Variants in ZNF518A observed in about 807,000 individuals in gnomAD.
ZNF518A encodes zinc finger protein 518A.
ZNF518A carries 47 observed loss-of-function variants against 102.7 expected under a neutral mutation model. The ratio of observed to expected loss-of-function variants is 0.46; its 90% CI spans 0.36 to 0.58. The LOEUF is 0.58. Among genes scored for constraint, ZNF518A ranks in the 20% least tolerant of loss-of-function variants. The probability of loss-of-function intolerance (pLI) is 0.00; values close to 1 mark genes in which losing one functional copy is unlikely to be tolerated. For synonymous variants in ZNF518A, 652 were observed against 594.6 expected (o/e 1.10, Z -1.40); for missense variants, 1,793 against 1,699.8 (o/e 1.05, Z -0.96).
downstream of ZNF518A, chr10:96,204,407 AAAACAATGAAATG>A: frequency 7.8e-6 from 9 of 1,152,852 alleles, no homozygotes; most frequent in Non-Finnish European, 1.0e-5. Context: ...ACGTAACTGC[AAAACAATGAAATG>A]TTGGATTTTT....
chr10:96,152,790 T>C lies in ZNF518A; in HGVS notation c.-301-2536T>C, dbSNP rs139701257. Among the ~76,000 whole-genome samples, 4 of 152,352 alleles carry C rather than the reference T, an allele frequency of 2.6e-5. No homozygotes were observed. In the East Asian group the frequency reaches 7.7e-4, roughly 29 times the overall value. ...TGATGAGTATTTGTGTATCTAAATG[T>C]AGAAAAGATGCAGCAAAATTACAGT... On this transcript the variant is annotated intron_variant, in intron 3 of 5. Transcript: ENST00000316045.
At chr10:96,202,359 G>C (rs2133956089) in intron 1 of ZNF518A, among the ~76,000 whole-genome samples, 1 of 152,308 alleles carries the variant, frequency 6.6e-6, no homozygotes, top group South Asian at 2.1e-4. Flanking sequence ...GGAGATGACA[G>C]TGACTTGGAC....
intron 3 of ZNF518A, 75 bp from the exon 4 acceptor site, chr10:96,155,251 A>G (rs2082646069): frequency 6.6e-6 from 1 of 152,146 alleles, no homozygotes; most frequent in South Asian, 2.1e-4. Flanking sequence ...TTTTACATAT[A>G]TTTTCTCATT....
At chr10:96,164,931 A>G (rs781864785), downstream of ZNF518A, among the ~76,000 whole-genome samples, 1 of 152,254 alleles carries the variant, frequency 6.6e-6, no homozygotes, top group Non-Finnish European at 1.5e-5. Context: ...GCCTGCGATC[A>G]TCAATTACAT....
chr10:96,198,953 C>A (rs2083551284), intron 1 of ZNF518A, among the ~76,000 whole-genome samples: 1 of 152,170 alleles, frequency 6.6e-6, no homozygotes, highest in Non-Finnish European at 1.5e-5. Context: ...CTCACCTCGG[C>A]CCCCCAAAGT....
At chr10:96,181,442 T>A (rs1467742991) in intron 1 of ZNF518A, among the ~76,000 whole-genome samples, 3 of 152,212 alleles carry the variant, frequency 2.0e-5, no homozygotes, top group African/African-American at 4.8e-5. Context: ...CTGAATGGTA[T>A]TGCCTAGGTT....
intron 1 of ZNF518A, among the ~76,000 whole-genome samples, chr10:96,171,770 T>A (rs1114750): frequency 0.11 from 16,727 of 152,070 alleles, 1,893 homozygotes; most frequent in African/African-American, 0.29. Flanking sequence ...AAATAATGAC[T>A]AGAAACTTCC....
chr10:96,184,893 G>A (rs952556419), intron 1 of ZNF518A, among the ~76,000 whole-genome samples: 3 of 152,220 alleles, frequency 2.0e-5, no homozygotes, highest in Non-Finnish European at 4.4e-5. Context: ...ATCCTGAAGA[G>A]TGTCTTCCAG....
chr10:96,199,768 C>A (rs918657674), intron 1 of ZNF518A, among the ~76,000 whole-genome samples: 8 of 152,160 alleles, frequency 5.3e-5, no homozygotes, highest in African/African-American at 7.2e-5. Flanking sequence ...GTCTGTAATC[C>A]CAGCACTTTG....
downstream of ZNF518A, chr10:96,204,446 T>G: frequency 1.5e-6 from 2 of 1,377,554 alleles, no homozygotes; most frequent in Non-Finnish European, 2.1e-6. Flanking sequence ...GCACTGCAAG[T>G]CAGTGTCACT....
chr10:96,169,589 G>T (rs1251568346), intron 1 of ZNF518A, among the ~76,000 whole-genome samples: 5 of 152,210 alleles, frequency 3.3e-5, no homozygotes, highest in Admixed American at 1.3e-4. Flanking sequence ...CTTTAAACAT[G>T]GTTTCTTTTA....
At chr10:96,150,558 A>AG (rs2082387671) in intron 3 of ZNF518A, among the ~76,000 whole-genome samples, 1 of 150,252 alleles carries the variant, frequency 6.7e-6, no homozygotes, top group Non-Finnish European at 1.5e-5. Flanking sequence ...AAAAAAAAAA[A>AG]CTTAGGTACA....
intron 1 of ZNF518A, among the ~76,000 whole-genome samples, chr10:96,201,677 C>A (rs587771094): frequency 1.3e-5 from 2 of 152,160 alleles, no homozygotes; most frequent in East Asian, 3.9e-4. Context: ...CAGGCATCAA[C>A]TCCCTCAAAG....
At position 96,159,618 on chromosome 10, in the gene ZNF518A, C is replaced by T. The variant is rs368591323; in HGVS notation, c.3296C>T (p.Pro1099Leu). ...AAACCACCTCTTTATACCTTCTTGCCTGATGGCAAACAAGCTGTTTTTTTA... is the reference window on the plus strand; with the variant it reads ...AAACCACCTCTTTATACCTTCTTGCTTGATGGCAAACAAGCTGTTTTTTTA... The part of the protein sequence containing the change: ...FPKPPLYTFL[P>L]DGKQAVFLKC... The change falls in exon 6 of 6, where the codon CCT becomes CTT. Residue 1099 changes from proline (P) to leucine (L), a missense_variant. This residue lies in a region of ZNF518A where 1,741 missense variants were observed against 1,622.6 expected (regional missense o/e 1.07). Transcript: ENST00000316045. 1 of 1,613,662 alleles carries T rather than the reference C, an allele frequency of 6.2e-7. No homozygotes were observed. Among genetic ancestry groups the T allele is most frequent in the Non-Finnish European group, 8.5e-7 (1 of 1,179,790 alleles).
At chr10:96,148,876 C>T (rs1037926858) in intron 3 of ZNF518A, among the ~76,000 whole-genome samples, 1 of 152,118 alleles carries the variant, frequency 6.6e-6, no homozygotes, top group African/African-American at 2.4e-5. Flanking sequence ...CCACCACACC[C>T]GGCTAATTTT....
At position 96,159,891 on chromosome 10, in the gene ZNF518A, G is replaced by C. The variant is rs2082916446; in HGVS notation, c.3569G>C (p.Arg1190Thr). 6.2e-7 allele frequency: 1 copy of C among 1,613,368 alleles called. No individual in the cohort carries two copies. Among genetic ancestry groups the C allele is most frequent in the Admixed American group, 1.7e-5 (1 of 59,948 alleles). The change falls in exon 6 of 6, where the codon AGA becomes ACA. Residue 1190 changes from arginine to threonine, a missense_variant. By Grantham distance (71) the Arg-to-Thr change is moderately conservative. Coordinates refer to ENST00000316045, the MANE Select transcript of ZNF518A (RefSeq NM_001330736.2). ...IGGEQKEPES[R>T]DALPFLLDDL... ...GGAGAGCAGAAAGAGCCAGAATCTAGAGATGCCTTACCCTTCTTACTAGAT... is the reference window on the plus strand; with the variant it reads ...GGAGAGCAGAAAGAGCCAGAATCTACAGATGCCTTACCCTTCTTACTAGAT...
Position 96,157,462 on chromosome 10 carries a change from G to A in ZNF518A, c.1140G>A (p.Glu380=), listed in dbSNP as rs374560814. 1.4e-5 allele frequency: 22 copies of A among 1,613,688 alleles called. No homozygotes were observed. Among genetic ancestry groups the A allele is most frequent in the South Asian group, 2.2e-5 (2 of 91,058 alleles). ...SEEKDERLHC[E]NNDKAPESES... is the part of the protein sequence containing the mutation. The stretch of plus-strand genomic sequence containing the variant: ...AAAAGGATGAAAGACTACACTGTGA[G>A]AATAATGATAAAGCCCCTGAATCAG... The change falls in exon 6 of 6, where the codon GAG becomes GAA. Residue 380 remains glutamate, a synonymous_variant. Coordinates refer to ENST00000316045, the MANE Select transcript of ZNF518A (RefSeq NM_001330736.2).
intron 3 of ZNF518A, among the ~76,000 whole-genome samples, chr10:96,150,337 A>G (rs1474750141): frequency 0.033 from 1,358 of 40,652 alleles, 8 homozygotes; most frequent in East Asian, 0.25. Context: ...CCATTTCGGA[A>G]AAAAAAAAAA....
intron 1 of ZNF518A, among the ~76,000 whole-genome samples, chr10:96,197,337 C>T (rs2133933014): frequency 6.6e-6 from 1 of 152,180 alleles, no homozygotes; most frequent in South Asian, 2.1e-4. Flanking sequence ...AACAGTCTCA[C>T]TTTGTTGCCC....
Sources: gnomAD v4.1 joint callset for allele counts (sites outside exome capture counted in the v4.1 genomes callset) on GRCh38, gnomAD v4.1.1 for gene constraint, gnomAD v4.1.1 regional missense constraint, MANE v1.5 for transcripts, NCBI Gene and HGNC (gene_info 2026-07-23, HGNC 2026-07-21) for gene names.